Variants in ITPR1 observed in about 807,000 individuals in gnomAD.
The protein encoded by ITPR1 is inositol 1,4,5-trisphosphate receptor type 1, also known as inositol 1,4,5-trisphosphate-gated calcium channel ITPR1.
ITPR1 carries 96 observed loss-of-function variants against 318.4 expected under a neutral mutation model. The observed-to-expected ratio is 0.30, with a 90% CI of 0.26 to 0.36. The LOEUF (loss-of-function observed/expected upper bound fraction) is 0.36. ITPR1 is among the 10% of genes least tolerant of loss of function. The pLI, the probability that ITPR1 is intolerant of heterozygous loss-of-function variation, is 1.00. For missense variants in ITPR1, 2,440 were observed against 3,460.2 expected (o/e 0.71, Z 7.40); for synonymous variants, 1,312 against 1,289.9 (o/e 1.02, Z -0.37).
At chr3:4,831,277 T>G in intron 60 of ITPR1, 1 of 315,342 alleles carries the variant, frequency 3.2e-6, no homozygotes, top group Non-Finnish European at 6.4e-6. Flanking sequence ...CAACTTTACC[T>G]AGAAAAGAAC....
chr3:4,512,296 A>T (rs1224537631), intron 2 of ITPR1, among the ~76,000 whole-genome samples: 1 of 152,162 alleles, frequency 6.6e-6, no homozygotes, highest in Non-Finnish European at 1.5e-5. Flanking sequence ...AGGCTGTTTG[A>T]ACAAAGAATA....
In ITPR1 at chr3:4,644,347, G is replaced by T. The variant is rs1347792692; in HGVS notation, c.624+113G>T. The T allele has an allele frequency of 4.1e-5, 28 of 687,088 alleles. No individual in the cohort carries two copies. The East Asian group carries it at 7.7e-4, about 19-fold the overall frequency. 42.6% of individuals were successfully genotyped at this position (687,088 alleles called of 1,614,324 possible). A position where few individuals can be genotyped will look rare whatever the true frequency, so the allele number is the denominator to read the frequency against. ...CTTCAGCAGTGACTTGGGGCAGGGT[G>T]CCCATTCTGCAGGTGAAGAAACAGG... On this transcript the variant is annotated intron_variant, in intron 8 of 61. Transcript: ENST00000649015.
At chr3:4,793,366 C>T (rs2047692822) in intron 52 of ITPR1, among the ~76,000 whole-genome samples, 1 of 152,216 alleles carries the variant, frequency 6.6e-6, no homozygotes, top group Non-Finnish European at 1.5e-5. Flanking sequence ...TTTCTTCCCC[C>T]CAACTTTGTT....
intron 4 of ITPR1, among the ~76,000 whole-genome samples, chr3:4,627,458 A>T (rs2092869061): frequency 6.6e-6 from 1 of 151,988 alleles, no homozygotes; most frequent in Non-Finnish European, 1.5e-5. Flanking sequence ...AGGGAGACTC[A>T]GTCTTAAAAA....
rs747510246 is a variant in ITPR1, at chr3:4,674,336, C to T, written c.2591C>T (p.Thr864Met). The part of the protein sequence containing the change: ...PFSDKEKNKL[T>M]FEVVNLARNL... ...TCTGATAAAGAGAAGAATAAGCTTA[C>T]GTTTGAGGTAACTCATGATGAAATC... is the stretch of plus-strand genomic sequence containing the variant. Residue 864 changes from threonine to methionine, a missense_variant, in exon 22 of 62, where the codon ACG becomes ATG. Physicochemically the swap from Thr to Met is moderately conservative, Grantham distance 81 (BLOSUM62 -1). Around this residue, in one of 23 missense-constraint regions of ITPR1, gnomAD observed 478 missense variants for 696.3 expected, o/e 0.69. Transcript: ENST00000649015. 4 of 1,605,558 alleles carry T rather than the reference C, an allele frequency of 2.5e-6. No individual in the cohort carries two copies. Among genetic ancestry groups the T allele is most frequent in the African/African-American group, 1.3e-5 (1 of 74,712 alleles).
intron 4 of ITPR1, among the ~76,000 whole-genome samples, chr3:4,567,082 A>C (rs888284780): frequency 6.6e-6 from 1 of 152,232 alleles, no homozygotes; most frequent in Admixed American, 6.5e-5. Context: ...AAATGGGGAT[A>C]ATAATACCTA....
chr3:4,696,998 T>A, intron 33 of ITPR1, 149 bp from the exon 34 acceptor site: 1 of 625,700 alleles, frequency 1.6e-6, no homozygotes, highest in Non-Finnish European at 2.7e-6. Context: ...TAATTGTGAA[T>A]TTCAAATATC....
At chr3:4,620,881 T>C (rs9870967) in intron 4 of ITPR1, among the ~76,000 whole-genome samples, 4,474 of 152,150 alleles carry the variant, frequency 0.029, 88 homozygotes, top group Non-Finnish European at 0.043. Context: ...CTTCCTCAAC[T>C]TTCCTCCTCT....
intron 52 of ITPR1, among the ~76,000 whole-genome samples, chr3:4,790,068 A>G (rs1009487007): frequency 5.3e-5 from 8 of 152,232 alleles, no homozygotes; most frequent in East Asian, 3.8e-4. Context: ...TGTATAATGT[A>G]TGTATTTTAT....
At chr3:4,531,813 C>T (rs1015225550) in intron 4 of ITPR1, among the ~76,000 whole-genome samples, 6 of 152,194 alleles carry the variant, frequency 3.9e-5, no homozygotes, top group African/African-American at 7.2e-5. Context: ...CTCTGGGGCA[C>T]CTTTACTGAA....
At chr3:4,807,165 G>A (rs112693000) in intron 55 of ITPR1, among the ~76,000 whole-genome samples, 14,164 of 39,402 alleles carry the variant, frequency 0.36, 1,747 homozygotes, top group South Asian at 0.52. Context: ...AGAGAGGGGG[G>A]CTTACAAAGA....
intron 5 of ITPR1, among the ~76,000 whole-genome samples, chr3:4,629,692 A>G (rs2092953381): frequency 6.6e-6 from 1 of 152,268 alleles, no homozygotes; most frequent in Non-Finnish European, 1.5e-5. Context: ...CAAAGAATAA[A>G]GAGGCAGTGA....
rs2049183017 is a variant in ITPR1 at position 4,814,790 on chromosome 3, A to G, written c.7701+228A>G. 5.0e-6 allele frequency: 3 copies of G among 602,978 alleles called. No homozygotes were observed. The East Asian group carries it at 8.3e-5, about 17-fold the overall frequency. The allele number at this position is 602,978 out of a possible 1,614,324, so 37.4% of individuals were successfully genotyped here. On this transcript the variant is annotated intron_variant, in intron 58 of 61. Transcript: ENST00000649015. ...TTGGCTTTGGCTCTCTGTTCAGTAG[A>G]CTTAGGGACTGTTTCCATCAGGGTT...
intron 28 of ITPR1, 22 bp from the exon 29 acceptor site, chr3:4,684,259 T>C: frequency 6.4e-7 from 1 of 1,562,232 alleles, no homozygotes; most frequent in Non-Finnish European, 8.8e-7. Context: ...CAGATCACAC[T>C]TGTGTTCACT....
intron 44 of ITPR1, among the ~76,000 whole-genome samples, chr3:4,741,813 G>A (rs980376348): frequency 6.6e-6 from 1 of 152,204 alleles, no homozygotes; most frequent in African/African-American, 2.4e-5. Flanking sequence ...TGGTGTGTGA[G>A]CAAGTTACGT....
chr3:4,674,141 AG>A, intron 21 of ITPR1, 60 bp from the exon 22 acceptor site: 2 of 1,411,886 alleles, frequency 1.4e-6, no homozygotes, highest in South Asian at 2.6e-5. Context: ...TGAGTGACCC[AG>A]GAAGACCTCT....
intron 33 of ITPR1, among the ~76,000 whole-genome samples, chr3:4,694,907 C>T (rs2094534271): frequency 6.6e-6 from 1 of 152,118 alleles, no homozygotes; most frequent in South Asian, 2.1e-4. Flanking sequence ...TTATTATGTT[C>T]TTGTGTATTT....
chr3:4,825,462 A>G (rs945367340), intron 60 of ITPR1, among the ~76,000 whole-genome samples: 1 of 152,214 alleles, frequency 6.6e-6, no homozygotes, highest in Non-Finnish European at 1.5e-5. Flanking sequence ...AAAAAGTAAC[A>G]TGCAAAAGAG....
At chr3:4,554,336 A>G (rs1450794602) in intron 4 of ITPR1, among the ~76,000 whole-genome samples, 2 of 152,222 alleles carry the variant, frequency 1.3e-5, no homozygotes, top group Admixed American at 1.3e-4. Flanking sequence ...TAGGTGCTCC[A>G]GGTTTTAGAG....
Sources: allele counts gnomAD v4.1 joint callset (sites outside exome capture counted in the v4.1 genomes callset), GRCh38; gene constraint gnomAD v4.1.1; regional missense constraint gnomAD v4.1.1; transcripts MANE v1.5; gene names NCBI Gene and HGNC (gene_info 2026-07-23, HGNC 2026-07-21).